TSPAN10: variants seen among roughly 807,000 people sequenced by gnomAD.
The protein encoded by TSPAN10 is tetraspanin 10.
A neutral mutation model predicts 15.0 loss-of-function variants in TSPAN10; 11 were observed. The observed-to-expected ratio is 0.73, with a 90% CI of 0.46 to 1.21. TSPAN10 has a LOEUF of 1.21. Among genes scored for constraint, TSPAN10 ranks in the 50% most tolerant of loss-of-function variants. TSPAN10 has a pLI of 0.00. For synonymous variants in TSPAN10, 241 were observed against 226.2 expected, an observed-to-expected ratio of 1.07 and a Z score of -0.59; for missense variants, 486 against 470.6, an observed-to-expected ratio of 1.03 and a Z score of -0.30.
exon 2 of TSPAN10, chr17:81,645,408 T>G: frequency 6.2e-7 from 1 of 1,603,458 alleles, no homozygotes; most frequent in Non-Finnish European, 8.5e-7. Context: ...GCCTGTTACG[T>G]GGCTTCTCTG....
intron 1 of TSPAN10, among the ~76,000 whole-genome samples, chr17:81,643,568 G>A (rs1247169336): frequency 8.8e-5 from 3 of 34,124 alleles, no homozygotes; most frequent in Non-Finnish European, 1.3e-4. Flanking sequence ...CCGAGATCCC[G>A]CCACTGCACT....
intron 1 of TSPAN10, among the ~76,000 whole-genome samples, chr17:81,644,452 A>T (rs377355436): frequency 2.6e-5 from 4 of 152,078 alleles, no homozygotes; most frequent in East Asian, 1.9e-4. Context: ...GGATGTGAGG[A>T]CTGGTTTCAG....
upstream of TSPAN10, chr17:81,642,227 C>T: frequency 1.8e-6 from 1 of 566,224 alleles, no homozygotes; most frequent in Non-Finnish European, 3.2e-6. Context: ...TGATTCTTCA[C>T]ATGACTCAAC....
intron 2 of TSPAN10, chr17:81,647,547 C>T: frequency 1.8e-6 from 1 of 547,146 alleles, no homozygotes; most frequent in South Asian, 1.5e-5. Flanking sequence ...TCCCCTGCTC[C>T]AACTCTACCT....
intron 2 of TSPAN10, chr17:81,645,907 C>A: frequency 1.7e-6 from 1 of 585,238 alleles, no homozygotes; most frequent in Non-Finnish European, 3.0e-6. Context: ...CACACTCACA[C>A]TCAAACATGT....
upstream of TSPAN10, among the ~76,000 whole-genome samples, chr17:81,641,212 C>T (rs985005514): frequency 2.0e-5 from 3 of 152,000 alleles, no homozygotes; most frequent in South Asian, 2.1e-4. Flanking sequence ...AGTTGGAGGC[C>T]GTGGACAGTC....
chr17:81,644,569 G>GCA (rs1384084909), intron 1 of TSPAN10, among the ~76,000 whole-genome samples: 7 of 152,316 alleles, frequency 4.6e-5, no homozygotes, highest in South Asian at 2.1e-4. Flanking sequence ...CCACGCAGAT[G>GCA]CTGTTTCAAA....
intron 2 of TSPAN10, 90 bp from the exon 4 acceptor site, chr17:81,647,811 T>C: frequency 2.8e-6 from 4 of 1,418,916 alleles, no homozygotes; most frequent in Non-Finnish European, 3.8e-6. Context: ...CATGGAAGGG[T>C]GAAGGTGGGT....
exon 2 of TSPAN10, chr17:81,645,316 A>C (rs754739758): frequency 1.9e-5 from 30 of 1,552,076 alleles, no homozygotes; most frequent in Non-Finnish European, 2.1e-5. Flanking sequence ...CGCAGACCCC[A>C]TGCTGGGGCT....
At chr17:81,641,530 C>T (rs1385399211), upstream of TSPAN10, among the ~76,000 whole-genome samples, 1 of 152,138 alleles carries the variant, frequency 6.6e-6, no homozygotes, top group African/African-American at 2.4e-5. Flanking sequence ...CCCACCCAGG[C>T]GTCTCACGCG....
intron 1 of TSPAN10, among the ~76,000 whole-genome samples, chr17:81,643,382 C>T (rs1185487281): frequency 1.3e-4 from 5 of 39,692 alleles, no homozygotes; most frequent in Non-Finnish European, 1.6e-4. Context: ...GAGGCCGAGG[C>T]GGGCGGATCA....
At chr17:81,645,013 C>G (rs2036224332) in exon 2 of TSPAN10, 1 of 1,611,188 alleles carries the variant, frequency 6.2e-7, no homozygotes, top group Non-Finnish European at 8.5e-7. Context: ...CCAGAAGCCC[C>G]TCTCTGTGCA....
rs983384451 is a variant in TSPAN10 at position 81,637,263 on chromosome 17, T to A, written c.-136T>A. 7.5e-6 allele frequency: 4 copies of A among 531,894 alleles called. No homozygotes were observed. In the South Asian group the frequency reaches 9.5e-5, roughly 13 times the overall value. 32.9% of individuals were successfully genotyped at this position (531,894 alleles called of 1,614,324 possible). A position where few individuals can be genotyped will look rare whatever the true frequency, so the allele number is the denominator to read the frequency against. On this transcript the variant is annotated 5_prime_UTR_variant, in exon 1 of 4. Transcript: ENST00000574882. ...TTGCGTCTGAGATTACTTCTGCTCG[T>A]CCTCGGAAACCCAAGCGGCACAGGA...
chr17:81,648,478 C>G (rs973492176), downstream of TSPAN10: 2 of 544,046 alleles, frequency 3.7e-6, no homozygotes, highest in Non-Finnish European at 5.3e-6. Flanking sequence ...CAGCCCCCAA[C>G]GCAGGGCGCC....
chr17:81,645,108 G>A, exon 2 of TSPAN10: 3 of 1,588,716 alleles, frequency 1.9e-6, no homozygotes, highest in Non-Finnish European at 2.6e-6. Context: ...GTCCCCCGGA[G>A]ACCAAGCACC....
Position 81,645,460 on chromosome 17 carries a change from G to A in TSPAN10, c.505G>A (p.Ala169Thr), listed in dbSNP as rs2036237156. 5 of 1,588,212 alleles carry A rather than the reference G, an allele frequency of 3.1e-6. No individual in the cohort carries two copies. In the East Asian group the frequency reaches 6.9e-5, roughly 22 times the overall value. ...CCTGGTGCTTGAGGCCGTGGCGGGG[G>A]CCCTGGTGGTGGCCCTCTGGGGCCC... Residue 169 changes from alanine (A) to threonine (T), a missense_variant, in exon 2 of 3, where the codon GCC becomes ACC. Physicochemically the swap from Ala to Thr is moderately conservative, Grantham distance 58. Transcript: ENST00000611590.
chr17:81,637,573 C>T (rs1384195869), upstream of TSPAN10: 2 of 538,102 alleles, frequency 3.7e-6, no homozygotes, highest in Non-Finnish European at 6.7e-6. Context: ...CCAAGGTGGA[C>T]GGATCACCTG....
chr17:81,648,007 G>A, exon 3 of TSPAN10: 1 of 1,609,722 alleles, frequency 6.2e-7, no homozygotes. Flanking sequence ...GTGCGGCTTC[G>A]GGGTCCTGCG....
In TSPAN10 at chr17:81,645,407, G is replaced by C. The variant is rs533267022; in HGVS notation, c.452G>C (p.Arg151Pro). 1,621 of 1,603,594 alleles carry C rather than the reference G, an allele frequency of 1.0e-3. 25 individuals are homozygous for C. The South Asian group carries it at 0.017, about 17-fold the overall frequency. Residue 151 changes from arginine to proline, a missense_variant, in exon 2 of 3, where the codon CGT (arginine) becomes CCT (proline). Coordinates refer to ENST00000611590, the Ensembl canonical transcript of TSPAN10. ...CTCTGTGAGAACACCTGCCTGTTACGTGGCTTCTCTGGGGGCATCCTTGCC... is the reference window on the plus strand; with the variant it reads ...CTCTGTGAGAACACCTGCCTGTTACCTGGCTTCTCTGGGGGCATCCTTGCC...
Sources: allele counts gnomAD v4.1 joint callset (sites outside exome capture counted in the v4.1 genomes callset), GRCh38; gene constraint gnomAD v4.1.1; transcripts MANE v1.5; gene names NCBI Gene and HGNC (gene_info 2026-07-23, HGNC 2026-07-21).